Variants in KAT2A observed in about 807,000 individuals in gnomAD.
The protein encoded by KAT2A is histone acetyltransferase KAT2A.
A neutral mutation model predicts 95.2 loss-of-function variants in KAT2A; 42 were observed. That is an observed-to-expected ratio of 0.44 (90% confidence interval 0.34 to 0.57). The LOEUF (loss-of-function observed/expected upper bound fraction) is 0.57, where lower values mean the gene tolerates loss of function less well. Ranked by LOEUF, KAT2A falls within the 20% of genes least tolerant of loss-of-function variation. The pLI, the probability that KAT2A is intolerant of heterozygous loss-of-function variation, is 0.01. For missense variants in KAT2A, 784 were observed against 1,126.3 expected (o/e 0.70, Z 4.35); for synonymous variants, 449 against 448.2 (o/e 1.00, Z -0.02).
rs2054332968 is a variant in KAT2A at position 42,121,160 on chromosome 17, C to A, written c.145G>T (p.Ala49Ser). 3.4e-6 allele frequency: 5 copies of A among 1,452,838 alleles called. No homozygotes were observed. In the African/African-American group the frequency reaches 4.3e-5, roughly 12 times the overall value. 90.0% of individuals were successfully genotyped at this position (1,452,838 alleles called of 1,614,324 possible). The change falls in exon 1 of 18, where the codon GCC becomes TCC. Residue 49 changes from alanine (A) to serine (S), a missense_variant. Transcript: ENST00000225916. ...IPTPTPAPAPAPAAAPAGSTG... is the reference protein window; with the variant it reads ...IPTPTPAPAPSPAAAPAGSTG... ...CTGCCGGCTGGGGCTGCAGCTGGGGCAGGGGCTGGTGCCGGGGTGGGAGTC... is the reference window on the plus strand; with the variant it reads ...CTGCCGGCTGGGGCTGCAGCTGGGGAAGGGGCTGGTGCCGGGGTGGGAGTC...
Position 42,119,645 on chromosome 17 carries a change from G to C in KAT2A, c.773C>G (p.Ser258Ter). The change falls in exon 5 of 18, where the codon TCA becomes TGA. Residue 258 changes from serine (S) to a stop codon, truncating the protein, a stop_gained. Coordinates refer to ENST00000225916, the MANE Select transcript of KAT2A (RefSeq NM_021078.3). LOFTEE classifies it high-confidence loss of function. The surrounding 1 kb of genome is among the most constrained non-coding windows in gnomAD (Gnocchi z 5.3). ...GTTAAGGCAGAGCAAGAACATCTTT[G>C]AGAGCTCGAACATCGTCTGCCGCTC... ...PRERQTMFELSKMFLLCLNYW... is the reference protein window; with the variant it reads ...PRERQTMFEL The C allele has an allele frequency of 6.2e-7, 1 of 1,614,100 alleles. No homozygotes were observed. Among genetic ancestry groups the C allele is most frequent in the Non-Finnish European group, 8.5e-7 (1 of 1,179,958 alleles).
Position 42,114,554 on chromosome 17 carries a change from GTA to G in KAT2A, c.2068_2069del (p.Tyr690ProfsTer74). On this transcript the variant is annotated frameshift_variant, in exon 14 of 18. Coordinates refer to ENST00000225916, the MANE Select transcript of KAT2A (RefSeq NM_021078.3). LOFTEE classifies it high-confidence loss of function. The surrounding 1 kb of genome is among the most constrained non-coding windows in gnomAD (Gnocchi z 6.0). ...CCTCCTTGAAGCAGCTGAGCCCCGG[GTA>G]GACCTTGCGGATCTGGGCCTGTTTG... is the stretch of plus-strand genomic sequence containing the variant. Reference protein sequence around the residue: ...ERKQAQIRKVYPGLSCFKEGV... With the variant: ...ERKQAQIRKVXPGLSCFKEGV... 1.2e-6 allele frequency: 2 copies of G among 1,614,092 alleles called. No individual in the cohort carries two copies. Among genetic ancestry groups the G allele is most frequent in the Non-Finnish European group, 1.7e-6 (2 of 1,179,998 alleles).
At chr17:42,118,138 GGAGA>G (rs1199036600) in intron 7 of KAT2A, 121 bp from the exon 8 acceptor site, 22 of 784,312 alleles carry the variant, frequency 2.8e-5, no homozygotes, top group Middle Eastern at 3.1e-4. Flanking sequence ...CTGAAGCTGA[GGAGA>G]GAGAGAGAGA....
In KAT2A at chr17:42,117,018, C is replaced by T. The variant is rs781850598; in HGVS notation, c.1764+17G>A. On this transcript the variant is annotated intron_variant, in intron 11 of 17. Transcript: ENST00000225916. This position sits in a 1 kb window ranked among gnomAD's most constrained non-coding sequence, Gnocchi z 8.9. ...GTGGGCCGTGGACTGGGGCTGGGGC[C>T]GGGGAGCCGCGCTCACCTTGACCTG... The T allele has an allele frequency of 7.4e-6, 12 of 1,612,900 alleles. No homozygotes were observed. Among genetic ancestry groups the T allele is most frequent in the African/African-American group, 4.0e-5 (3 of 74,940 alleles).
In KAT2A at chr17:42,118,047, G is replaced by A. The variant is rs782325866; in HGVS notation, c.1181-30C>T. ...GGAGAGAGAGAGACGTCAGGGATGGGGGGCTGAAGCTGAGGAGAGAGAGAG... is the reference window on the plus strand; with the variant it reads ...GGAGAGAGAGAGACGTCAGGGATGGAGGGCTGAAGCTGAGGAGAGAGAGAG... On this transcript the variant is annotated intron_variant, in intron 7 of 17. Transcript: ENST00000225916. The A allele has an allele frequency of 3.0e-5, 40 of 1,343,862 alleles. 1 individual carries two copies. Among genetic ancestry groups the A allele is most frequent in the Non-Finnish European group, 4.1e-5 (40 of 982,820 alleles). 83.2% of individuals were successfully genotyped at this position (1,343,862 alleles called of 1,614,324 possible). A position where few individuals can be genotyped will look rare whatever the true frequency, so the allele number is the denominator to read the frequency against.
At position 42,119,448 on chromosome 17, in the gene KAT2A, G is replaced by T; in HGVS notation, c.882-12C>A. On this transcript the variant is annotated splice_polypyrimidine_tract_variant and intron_variant, in intron 5 of 17. Transcript: ENST00000225916. The surrounding 1 kb of genome is among the most constrained non-coding windows in gnomAD (Gnocchi z 5.3). ...AGTAACAGAGCCATCTGGAGTAGGG[G>T]GTCGAGGGGGAGACAGGTGAGGGCG... is the stretch of plus-strand genomic sequence containing the variant. 6.2e-7 allele frequency: 1 copy of T among 1,601,490 alleles called. No individual in the cohort carries two copies.
At chr17:42,115,135 C>A in intron 12 of KAT2A, 100 bp from the exon 13 acceptor site, 1 of 1,219,208 alleles carries the variant, frequency 8.2e-7, no homozygotes, top group East Asian at 2.3e-5. Flanking sequence ...GTGCCACTTG[C>A]CACCTCCTGC....
Position 42,117,205 on chromosome 17 carries a change from C to T in KAT2A, c.1638-44G>A, listed in dbSNP as rs782210572. 9.9e-6 allele frequency: 16 copies of T among 1,610,238 alleles called. No homozygotes were observed. The highest frequency in any genetic ancestry group is 4.0e-5 in the African/African-American group (3 of 74,872). ...TGTCATAGCCCCTGACTGTCCCCTTCAGGTCCCCAGAGCCCTGGAAGTCTG... is the reference window on the plus strand; with the variant it reads ...TGTCATAGCCCCTGACTGTCCCCTTTAGGTCCCCAGAGCCCTGGAAGTCTG... On this transcript the variant is annotated intron_variant, in intron 10 of 17. Coordinates refer to ENST00000225916, the MANE Select transcript of KAT2A (RefSeq NM_021078.3). The surrounding 1 kb of genome is among the most constrained non-coding windows in gnomAD (Gnocchi z 8.9).
Position 42,120,033 on chromosome 17 carries a change from C to A in KAT2A, c.696G>T (p.Glu232Asp). ...ATCTCCAATTCCCCTATCTCACCTG[C>A]TCAATATTAGGTTTCTCAAATGGAG... is the stretch of plus-strand genomic sequence containing the variant. ...GSPPFEKPNIEQGVLNFVQYK... is the reference protein window; with the variant it reads ...GSPPFEKPNIDQGVLNFVQYK... Residue 232 changes from glutamate (E) to aspartate (D), a missense_variant, in exon 4 of 18, where the codon GAG (glutamate) becomes GAT (aspartate). Coordinates refer to ENST00000225916, the MANE Select transcript of KAT2A (RefSeq NM_021078.3). 6.2e-7 allele frequency: 1 copy of A among 1,613,128 alleles called. No homozygotes were observed. The highest frequency in any genetic ancestry group is 1.3e-5 in the African/African-American group (1 of 75,004).
In KAT2A at chr17:42,114,818, G is replaced by T; in HGVS notation, c.2019+74C>A. ...ATATATGCATGTAGACGTAGAACAG[G>T]TCTACACACGTGTGCTCGCCCTCTG... On this transcript the variant is annotated intron_variant, in intron 13 of 17. Coordinates refer to ENST00000225916, the MANE Select transcript of KAT2A (RefSeq NM_021078.3). The surrounding 1 kb of genome is among the most constrained non-coding windows in gnomAD (Gnocchi z 6.0). The T allele has an allele frequency of 6.7e-7, 1 of 1,488,518 alleles. No individual in the cohort carries two copies. Among genetic ancestry groups the T allele is most frequent in the African/African-American group, 1.4e-5 (1 of 72,570 alleles). 92.2% of individuals were successfully genotyped at this position (1,488,518 alleles called of 1,614,324 possible). A position where few individuals can be genotyped will look rare whatever the true frequency, so the allele number is the denominator to read the frequency against.
Position 42,121,068 on chromosome 17 carries a change from A to G in KAT2A, c.237T>C (p.Pro79=). 1 of 1,573,462 alleles carries G rather than the reference A, an allele frequency of 6.4e-7. No homozygotes were observed. The highest frequency in any genetic ancestry group is 2.3e-5 in the East Asian group (1 of 43,062). ...TGGCGCGCTGCTGCTGGCTCAGGCC[A>G]GGTCGAGCCGGATCCCCCCCGCTCC... is the stretch of plus-strand genomic sequence containing the variant. The part of the protein sequence containing the change: ...GAGSGGDPAR[P]GLSQQQRASQ... The change falls in exon 1 of 18, where the codon CCT becomes CCC. Residue 79 remains proline, a synonymous_variant. Transcript: ENST00000225916.
In KAT2A at chr17:42,120,130, G is replaced by T; in HGVS notation, c.610-11C>A. 1 of 1,614,160 alleles carries T rather than the reference G, an allele frequency of 6.2e-7. No homozygotes were observed. ...GCATTTCCGCAGTAGCTAGAGAGAA[G>T]AGGAAGGGGGCATAGAGGGGAGGGG... On this transcript the variant is annotated splice_polypyrimidine_tract_variant and intron_variant, in intron 3 of 17. Transcript: ENST00000225916.
rs1360583808 is a variant in KAT2A, at chr17:42,113,670, C to G, written c.2493G>C (p.Glu831Asp). The G allele has an allele frequency of 1.2e-6, 2 of 1,610,850 alleles. No individual in the cohort carries two copies. The highest frequency in any genetic ancestry group is 1.3e-5 in the African/African-American group (1 of 74,690). Residue 831 changes from glutamate (E) to aspartate (D), a missense_variant, in exon 18 of 18, where the codon GAG (glutamate) becomes GAC (aspartate). This residue lies in a region of KAT2A where 195 missense variants were observed against 247.1 expected (regional missense o/e 0.79). Transcript: ENST00000225916. ...GGGCCTACTTGTCAATGAGGCCTCCCTCCTTGAGCTTGAAGTAGAAGAACT... is the reference window on the plus strand; with the variant it reads ...GGGCCTACTTGTCAATGAGGCCTCCGTCCTTGAGCTTGAAGTAGAAGAACT... ...LEKFFYFKLK[E>D]GGLIDK is the part of the protein sequence containing the mutation.
At position 42,120,070 on chromosome 17, in the gene KAT2A, G is replaced by A; in HGVS notation, c.659C>T (p.Ser220Phe). The A allele has an allele frequency of 6.2e-7, 1 of 1,614,088 alleles. No homozygotes were observed. Among genetic ancestry groups the A allele is most frequent in the Non-Finnish European group, 8.5e-7 (1 of 1,179,962 alleles). The change falls in exon 4 of 18, where the codon TCC becomes TTC. Residue 220 changes from serine to phenylalanine, a missense_variant. Ser to Phe is a radical substitution (Grantham distance 155). Transcript: ENST00000225916. ...TTTCTCAAATGGAGGGCTGCCCAGG[G>A]ACCCCTCCACCACAGGCCGGGTCAT... ...LQMTRPVVEG[S>F]LGSPPFEKPN... is the part of the protein sequence containing the mutation.
chr17:42,119,232 G>A lies in KAT2A; in HGVS notation c.1073+13C>T, dbSNP rs782230340. 6.3e-7 allele frequency: 1 copy of A among 1,592,458 alleles called. No individual in the cohort carries two copies. The highest frequency in any genetic ancestry group is 1.1e-5 in the South Asian group (1 of 88,966). ...CTTGGGGCCAAATCCTGGTAGGCCA[G>A]AAGGAGCCTTACTTGGGGAAGTGAG... is the stretch of plus-strand genomic sequence containing the variant. On this transcript the variant is annotated intron_variant, in intron 6 of 17. Coordinates refer to ENST00000225916, the MANE Select transcript of KAT2A (RefSeq NM_021078.3). The surrounding 1 kb of genome is among the most constrained non-coding windows in gnomAD (Gnocchi z 5.3).
chr17:42,115,296 GCCC>G (rs1188044324), intron 12 of KAT2A, among the ~76,000 whole-genome samples: 6 of 84,086 alleles, frequency 7.1e-5, no homozygotes, highest in African/African-American at 3.1e-4. Flanking sequence ...TCCTCTACTG[GCCC>G]CCCAGTTCCT....
Position 42,121,280 on chromosome 17 carries a change from T to C in KAT2A, c.25A>G (p.Thr9Ala), listed in dbSNP as rs1361526756. Residue 9 changes from threonine to alanine, a missense_variant, in exon 1 of 18, where the codon ACC becomes GCC. Coordinates refer to ENST00000225916, the MANE Select transcript of KAT2A (RefSeq NM_021078.3). MAEPSQAP[T>A]PAPAAQPRPL... ...CGGGGCTGCGCAGCCGGGGCCGGGG[T>C]CGGGGCCTGGGAAGGTTCCGCCATG... The C allele has an allele frequency of 6.6e-6, 9 of 1,373,432 alleles. No individual in the cohort carries two copies. In the South Asian group the frequency reaches 1.3e-4, roughly 20 times the overall value. 85.1% of individuals were successfully genotyped at this position (1,373,432 alleles called of 1,614,324 possible).
At position 42,117,270 on chromosome 17, in the gene KAT2A, C is replaced by A; in HGVS notation, c.1638-109G>T. 1 of 1,557,792 alleles carries A rather than the reference C, an allele frequency of 6.4e-7. No homozygotes were observed. The highest frequency in any genetic ancestry group is 1.1e-5 in the South Asian group (1 of 87,842). On this transcript the variant is annotated intron_variant, in intron 10 of 17. Coordinates refer to ENST00000225916, the MANE Select transcript of KAT2A (RefSeq NM_021078.3). This position sits in a 1 kb window ranked among gnomAD's most constrained non-coding sequence, Gnocchi z 8.9. ...TTGGGCAGTGAGAAGTAAGAATGCT[C>A]AAAGGATGAACCTCAGAAGTGGGGA...
In KAT2A at chr17:42,113,460, G is replaced by A. The variant is rs2054198914; in HGVS notation, c.*189C>T. 7 of 542,768 alleles carry A rather than the reference G, an allele frequency of 1.3e-5. No homozygotes were observed. Among genetic ancestry groups the A allele is most frequent in the Non-Finnish European group, 2.2e-5 (7 of 314,326 alleles). 33.6% of individuals were successfully genotyped at this position (542,768 alleles called of 1,614,324 possible). A position where few individuals can be genotyped will look rare whatever the true frequency, so the allele number is the denominator to read the frequency against. ...CAGGAGACCTCTCACACACAGTGAA[G>A]GCTGGGACAGAGCTGCACGCTTGGG... On this transcript the variant is annotated 3_prime_UTR_variant, in exon 18 of 18. Coordinates refer to ENST00000225916, the MANE Select transcript of KAT2A (RefSeq NM_021078.3).
Sources: gnomAD v4.1 joint callset for allele counts (sites outside exome capture counted in the v4.1 genomes callset) on GRCh38, gnomAD v4.1.1 for gene constraint, gnomAD v4.1.1 regional missense constraint, Gnocchi (gnomAD v3.1) non-coding constraint, MANE v1.5 for transcripts, NCBI Gene and HGNC (gene_info 2026-07-23, HGNC 2026-07-21) for gene names.